The following CNEP1R1 variants were observed in gnomAD, a reference collection of about 807,000 sequenced individuals.
CNEP1R1 encodes nuclear envelope phosphatase-regulatory subunit 1.
CNEP1R1 carries 10 observed loss-of-function variants against 22.7 expected under a neutral mutation model. The ratio of observed to expected loss-of-function variants is 0.44; its 90% CI spans 0.27 to 0.75. CNEP1R1 has a LOEUF of 0.75. CNEP1R1 is among the 30% of genes least tolerant of loss of function. The probability of loss-of-function intolerance (pLI) is 0.17; values close to 1 mark genes in which losing one functional copy is unlikely to be tolerated. For synonymous variants in CNEP1R1, 53 were observed against 50.1 expected (o/e 1.06, Z -0.25); for missense variants, 73 against 151.5 (o/e 0.48, Z 2.72).
At position 50,035,817 on chromosome 16, in the gene CNEP1R1, TAAAC is replaced by T. The variant is rs748258846; in HGVS notation, c.*363_*366del. 66 of 178,494 alleles carry T rather than the reference TAAAC, an allele frequency of 3.7e-4. No individual in the cohort carries two copies. Among genetic ancestry groups the T allele is most frequent in the Non-Finnish European group, 7.0e-4 (60 of 85,148 alleles). 11.1% of individuals were successfully genotyped at this position (178,494 alleles called of 1,614,324 possible). A position where few individuals can be genotyped will look rare whatever the true frequency, so the allele number is the denominator to read the frequency against. On this transcript the variant is annotated 3_prime_UTR_variant, in exon 6 of 6. Transcript: ENST00000427478. The stretch of plus-strand genomic sequence containing the variant: ...GTAAATAGCAAATCAATGCCAATGT[TAAAC>T]AAAGAGGAAAACGTTGTGTGGACTT...
rs148072123 is a variant in CNEP1R1 at position 50,029,707 on chromosome 16, G to A, written c.98-18G>A. ...AAGTATGTATTTGCTTACTAATTTC[G>A]TGTTTATCTTTCATCAGTGCTTCTT... On this transcript the variant is annotated intron_variant, in intron 2 of 5. Coordinates refer to ENST00000427478, the MANE Select transcript of CNEP1R1 (RefSeq NM_001281789.2). The A allele has an allele frequency of 1.3e-5, 20 of 1,541,058 alleles. No individual in the cohort carries two copies. In the East Asian group the frequency reaches 2.0e-4, roughly 16 times the overall value.
chr16:50,032,771 G>A (rs1036342455), intron 3 of CNEP1R1, among the ~76,000 whole-genome samples: 2 of 152,204 alleles, frequency 1.3e-5, no homozygotes, highest in South Asian at 4.1e-4. Context: ...TTGGGAGGCC[G>A]AGGCGGGCAG....
intron 3 of CNEP1R1, among the ~76,000 whole-genome samples, chr16:50,031,600 G>C (rs1368737156): frequency 6.6e-6 from 1 of 152,130 alleles, no homozygotes; most frequent in African/African-American, 2.4e-5. Context: ...TTTGAAATAG[G>C]CCCAAAACTA....
Position 50,035,501 on chromosome 16 carries a change from C to T in CNEP1R1, c.*43C>T, listed in dbSNP as rs373420066. 66 of 1,402,154 alleles carry T rather than the reference C, an allele frequency of 4.7e-5. 1 individual carries two copies. The highest frequency in any genetic ancestry group is 5.5e-5 in the Non-Finnish European group (55 of 1,007,464). 86.9% of individuals were successfully genotyped at this position (1,402,154 alleles called of 1,614,324 possible). A position where few individuals can be genotyped will look rare whatever the true frequency, so the allele number is the denominator to read the frequency against. On this transcript the variant is annotated 3_prime_UTR_variant, in exon 6 of 6. Transcript: ENST00000427478. ...TATGGGACTTAAAATAGCCTTTCTT[C>T]GAATAAGTGATACAGCAAAAAGCCA...
chr16:50,034,457 T>G (rs1233209706), intron 5 of CNEP1R1: 7 of 358,038 alleles, frequency 2.0e-5, no homozygotes, highest in Admixed American at 8.6e-5. Context: ...ACAGTGGTTG[T>G]TTGTTATTGA....
chr16:50,025,400 A>AGG, intron 1 of CNEP1R1, 60 bp downstream of exon 1: 1 of 1,414,208 alleles, frequency 7.1e-7, no homozygotes, highest in Non-Finnish European at 9.3e-7. Context: ...GGTGCTCCGG[A>AGG]GGAGCCGGCG....
At chr16:50,034,786 C>T (rs1001989541) in intron 5 of CNEP1R1, 12 of 154,098 alleles carry the variant, frequency 7.8e-5, no homozygotes, top group Middle Eastern at 3.1e-3. Context: ...CCTGTAGTCC[C>T]AGCTGCTTGG....
At chr16:50,034,387 T>C (rs2036258488) in intron 5 of CNEP1R1, 2 of 511,214 alleles carry the variant, frequency 3.9e-6, no homozygotes, top group South Asian at 4.3e-5. Context: ...ATTTAATCTT[T>C]CTTAATGACA....
chr16:50,029,929 G>A, intron 3 of CNEP1R1, 131 bp downstream of exon 3: 2 of 532,688 alleles, frequency 3.8e-6, no homozygotes, highest in South Asian at 5.1e-5. Context: ...TTAAAAATAT[G>A]CCTTTTATTA....
intron 2 of CNEP1R1, chr16:50,026,707 G>A: frequency 6.7e-6 from 3 of 446,746 alleles, no homozygotes; most frequent in Non-Finnish European, 1.2e-5. Flanking sequence ...AGGCGCCGTA[G>A]CTCACGCCTG....
At chr16:50,026,702 C>T (rs947981498) in intron 2 of CNEP1R1, 5 of 462,236 alleles carry the variant, frequency 1.1e-5, no homozygotes, top group Non-Finnish European at 2.0e-5. Flanking sequence ...TGGCCAGGCG[C>T]CGTAGCTCAC....
At chr16:50,033,591 T>TGAGCCACCACGCCC in intron 4 of CNEP1R1, 85 bp downstream of exon 4, 1 of 713,748 alleles carries the variant, frequency 1.4e-6, no homozygotes, top group Non-Finnish European at 2.3e-6. Flanking sequence ...TTGCCGGGCG[T>TGAGCCACCACGCCC]GGTGGCTCAC....
At chr16:50,031,372 G>A (rs1295239751) in intron 3 of CNEP1R1, among the ~76,000 whole-genome samples, 1 of 152,112 alleles carries the variant, frequency 6.6e-6, no homozygotes, top group Non-Finnish European at 1.5e-5. Context: ...GTTAATAGAG[G>A]ATTTTTATGG....
At position 50,033,406 on chromosome 16, in the gene CNEP1R1, T is replaced by C. The variant is rs1395405413; in HGVS notation, c.181T>C (p.Phe61Leu). Residue 61 changes from phenylalanine (F) to leucine (L), a missense_variant, in exon 4 of 6, where the codon TTC (phenylalanine) becomes CTC (leucine). Physicochemically the swap from Phe to Leu is conservative, Grantham distance 22. Transcript: ENST00000427478. ...ATCTCTTCTTTTACAGGTGTCCTTC[T>C]TCACATCATTATGGAATCACCCATT... ...IDPETQKVSF[F>L]TSLWNHPFFT... The C allele has an allele frequency of 6.4e-7, 1 of 1,571,922 alleles. No individual in the cohort carries two copies. The highest frequency in any genetic ancestry group is 1.7e-5 in the Admixed American group (1 of 59,256).
chr16:50,025,641 A>C (rs1237826748), intron 1 of CNEP1R1: 3 of 1,613,170 alleles, frequency 1.9e-6, no homozygotes, highest in Non-Finnish European at 8.5e-7. Flanking sequence ...ATTTCATTTC[A>C]TTCTCACAGC....
rs911980427 is a variant in CNEP1R1 at position 50,035,366 on chromosome 16, A to AT, written c.337-46dup. 1.1e-4 allele frequency: 118 copies of AT among 1,054,916 alleles called. No homozygotes were observed. In the African/African-American group the frequency reaches 1.7e-3, roughly 15 times the overall value. The allele number at this position is 1,054,916 out of a possible 1,614,324, so 65.3% of individuals were successfully genotyped here. On this transcript the variant is annotated intron_variant, in intron 5 of 5. Transcript: ENST00000427478. ...TTAAGGTTTATAAATAAGCAGTGGT[A>AT]TTTTTACTAGAACTGTGTATTGAAA...
chr16:50,026,121 A>C lies in CNEP1R1; in HGVS notation c.26-275A>C, dbSNP rs148540633. ...TTGGCGCTGGCCGAGGCTGCTGCTT[A>C]TTTCTCCCAATACCATTTATGAAGC... is the stretch of plus-strand genomic sequence containing the variant. On this transcript the variant is annotated intron_variant, in intron 1 of 5. Transcript: ENST00000427478. The C allele has an allele frequency of 2.4e-3, 1,069 of 440,162 alleles. 11 individuals carry two copies. The highest frequency in any genetic ancestry group is 0.019 in the African/African-American group (974 of 50,660). The allele number at this position is 440,162 out of a possible 1,614,324, so 27.3% of individuals were successfully genotyped here.
chr16:50,026,041 G>T, intron 1 of CNEP1R1: 3 of 436,466 alleles, frequency 6.9e-6, no homozygotes, highest in Non-Finnish European at 1.2e-5. Context: ...GGTTCCCAGA[G>T]AGCTAAAACT....
At chr16:50,027,602 G>A (rs1276871932) in intron 2 of CNEP1R1, among the ~76,000 whole-genome samples, 2 of 151,756 alleles carry the variant, frequency 1.3e-5, no homozygotes, top group African/African-American at 2.4e-5. Flanking sequence ...GGTCGAGGCT[G>A]TAGTGAGCTA....
Sources: allele counts gnomAD v4.1 joint callset (sites outside exome capture counted in the v4.1 genomes callset), GRCh38; gene constraint gnomAD v4.1.1; transcripts MANE v1.5; gene names NCBI Gene and HGNC (gene_info 2026-07-23, HGNC 2026-07-21).